VAV3: variants seen among roughly 807,000 people sequenced by gnomAD.
VAV3 encodes the protein guanine nucleotide exchange factor VAV3.
A neutral mutation model predicts 131.2 loss-of-function variants in VAV3; 94 were observed. The observed-to-expected ratio is 0.72, with a 90% CI of 0.61 to 0.85. The LOEUF (loss-of-function observed/expected upper bound fraction) is 0.85, where lower values mean the gene tolerates loss of function less well. VAV3 is among the 40% of genes least tolerant of loss of function. The pLI, the probability that VAV3 is intolerant of heterozygous loss-of-function variation, is 0.00. For synonymous variants in VAV3, 349 were observed against 342.0 expected, an observed-to-expected ratio of 1.02 and a Z score of -0.22; for missense variants, 939 against 1,002.7, an observed-to-expected ratio of 0.94 and a Z score of 0.86.
At chr1:107,611,173 C>T (rs1301157696) in intron 21 of VAV3, among the ~76,000 whole-genome samples, 1 of 152,132 alleles carries the variant, frequency 6.6e-6, no homozygotes, top group Non-Finnish European at 1.5e-5. Context: ...TGAGCATTTC[C>T]TTTGAGCATC....
At chr1:107,751,771 A>G (rs12129721) in intron 12 of VAV3, among the ~76,000 whole-genome samples, 12,161 of 152,282 alleles carry the variant, frequency 0.08, 516 homozygotes, top group African/African-American at 0.097. Flanking sequence ...ATTTAAAATA[A>G]TGAGCTATTT....
At chr1:107,742,850 A>G (rs1663104634) in intron 15 of VAV3, among the ~76,000 whole-genome samples, 1 of 152,232 alleles carries the variant, frequency 6.6e-6, no homozygotes, top group Non-Finnish European at 1.5e-5. Flanking sequence ...TTTGTCTGGC[A>G]ATATAAATAC....
intron 2 of VAV3, among the ~76,000 whole-genome samples, chr1:107,819,352 T>C (rs1667692861): frequency 6.6e-6 from 1 of 152,182 alleles, no homozygotes; most frequent in African/African-American, 2.4e-5. Context: ...ATGTAATATA[T>C]TAATTCTTAT....
intron 25 of VAV3, among the ~76,000 whole-genome samples, chr1:107,583,671 T>A (rs1316117762): frequency 6.6e-6 from 1 of 151,730 alleles, no homozygotes; most frequent in Non-Finnish European, 1.5e-5. Context: ...TCAAAGAGAA[T>A]AAAATACCTA....
intron 1 of VAV3, among the ~76,000 whole-genome samples, chr1:107,945,875 T>A (rs1258299348): frequency 2.7e-5 from 4 of 148,330 alleles, no homozygotes; most frequent in African/African-American, 9.9e-5. Context: ...AAAATAATAT[T>A]TAAAAGGATA....
At chr1:107,737,516 TCAAA>T (rs1232532882) in intron 15 of VAV3, among the ~76,000 whole-genome samples, 1 of 151,632 alleles carries the variant, frequency 6.6e-6, no homozygotes, top group African/African-American at 2.4e-5. Context: ...CAAGAAAAAA[TCAAA>T]CAACCCATCA....
At chr1:107,695,494 G>A (rs1659689348) in intron 17 of VAV3, among the ~76,000 whole-genome samples, 1 of 152,160 alleles carries the variant, frequency 6.6e-6, no homozygotes, top group Non-Finnish European at 1.5e-5. Flanking sequence ...CTATGTGAGT[G>A]TTTGGATGGT....
At position 107,827,529 on chromosome 1, in the gene VAV3, C is replaced by T. The variant is rs909841387; in HGVS notation, c.321+47372G>A. Among the ~76,000 whole-genome samples, 10 of 152,276 alleles carry T rather than the reference C, an allele frequency of 6.6e-5. No homozygotes were observed. In the South Asian group the frequency reaches 1.9e-3, roughly 28 times the overall value. The stretch of plus-strand genomic sequence containing the variant: ...AATTGATTGATACAAGGAGAGAAAA[C>T]TCTAGGAAGTAGATTAGCATTGCCC... On this transcript the variant is annotated intron_variant, in intron 2 of 26. Coordinates refer to ENST00000370056, the MANE Select transcript of VAV3 (RefSeq NM_006113.5).
intron 2 of VAV3, among the ~76,000 whole-genome samples, chr1:107,842,909 A>T (rs1019648127): frequency 9.2e-5 from 14 of 152,212 alleles, no homozygotes; most frequent in Non-Finnish European, 1.6e-4. Context: ...TTTCATTAAT[A>T]TGGAAATATT....
intron 2 of VAV3, among the ~76,000 whole-genome samples, chr1:107,783,105 C>T (rs1261536605): frequency 3.3e-5 from 5 of 152,102 alleles, no homozygotes; most frequent in African/African-American, 4.8e-5. Flanking sequence ...AAATGAAAAT[C>T]ATCCTGGATA....
intron 2 of VAV3, among the ~76,000 whole-genome samples, chr1:107,834,128 C>T (rs1280960940): frequency 6.6e-6 from 1 of 152,202 alleles, no homozygotes; most frequent in Non-Finnish European, 1.5e-5. Flanking sequence ...CTTGTTTTCT[C>T]ATTATGCAAT....
intron 19 of VAV3, among the ~76,000 whole-genome samples, chr1:107,647,975 T>C (rs999612919): frequency 3.3e-5 from 5 of 152,002 alleles, no homozygotes; most frequent in African/African-American, 1.2e-4. Flanking sequence ...GACTTTTTCA[T>C]TGATCTGCTG....
chr1:107,787,513 T>A (rs1353022713), intron 2 of VAV3, among the ~76,000 whole-genome samples: 1 of 152,098 alleles, frequency 6.6e-6, no homozygotes, highest in Non-Finnish European at 1.5e-5. Context: ...AAAGAGGTGA[T>A]CCTAGTCTGC....
chr1:107,787,631 G>A (rs994671199), intron 2 of VAV3, among the ~76,000 whole-genome samples: 1 of 152,120 alleles, frequency 6.6e-6, no homozygotes, highest in Non-Finnish European at 1.5e-5. Context: ...TCATCACATC[G>A]TACTCCAGTG....
intron 19 of VAV3, among the ~76,000 whole-genome samples, chr1:107,663,078 T>C (rs1657142997): frequency 6.6e-6 from 1 of 152,224 alleles, no homozygotes; most frequent in African/African-American, 2.4e-5. Flanking sequence ...ATCCACATTC[T>C]TGTATAAACC....
At chr1:107,727,286 C>A (rs925156267) in intron 15 of VAV3, among the ~76,000 whole-genome samples, 3 of 152,224 alleles carry the variant, frequency 2.0e-5, no homozygotes, top group Non-Finnish European at 1.5e-5. Flanking sequence ...ATTTTTTAAG[C>A]TCCACTAAAA....
At chr1:107,931,858 A>G (rs1330669208) in intron 1 of VAV3, among the ~76,000 whole-genome samples, 1 of 152,244 alleles carries the variant, frequency 6.6e-6, no homozygotes, top group Non-Finnish European at 1.5e-5. Flanking sequence ...CAGTAATTCA[A>G]TACCTCACCA....
chr1:107,586,670 T>C (rs112335447), intron 25 of VAV3, among the ~76,000 whole-genome samples: 11 of 151,974 alleles, frequency 7.2e-5, no homozygotes, highest in Non-Finnish European at 5.9e-5. Context: ...ATTAATTATT[T>C]TGAAAAAGAA....
chr1:107,936,909 T>G (rs982243693), intron 1 of VAV3, among the ~76,000 whole-genome samples: 1 of 152,172 alleles, frequency 6.6e-6, no homozygotes, highest in Non-Finnish European at 1.5e-5. Context: ...CATCATTCCT[T>G]AAAAGGAAGG....
Sources: allele counts gnomAD v4.1 joint callset (sites outside exome capture counted in the v4.1 genomes callset), GRCh38; gene constraint gnomAD v4.1.1; transcripts MANE v1.5; gene names NCBI Gene and HGNC (gene_info 2026-07-23, HGNC 2026-07-21).